Variants in TBC1D32 observed in about 807,000 individuals in gnomAD.
The protein encoded by TBC1D32 is TBC1 domain family member 32.
TBC1D32 carries 151 observed loss-of-function variants against 170.3 expected under a neutral mutation model. The observed-to-expected ratio is 0.89, with a 90% CI of 0.78 to 1.01. TBC1D32 has a LOEUF of 1.01. Among genes scored for constraint, TBC1D32 ranks in the 50% least tolerant of loss-of-function variants. The pLI is 0.00. For missense variants in TBC1D32, 1,464 were observed against 1,457.1 expected (o/e 1.00, Z -0.08); for synonymous variants, 498 against 488.0 (o/e 1.02, Z -0.27).
At chr6:121,124,006 G>GA (rs1780564337) in intron 26 of TBC1D32, among the ~76,000 whole-genome samples, 1 of 151,498 alleles carries the variant, frequency 6.6e-6, no homozygotes, top group Admixed American at 6.6e-5. Context: ...CCACCATTTT[G>GA]AATTTTTGAC....
chr6:121,329,898 TCTC>T (rs1810985817), intron 1 of TBC1D32, among the ~76,000 whole-genome samples: 1 of 152,050 alleles, frequency 6.6e-6, no homozygotes, highest in South Asian at 2.1e-4. Flanking sequence ...GTATTTTACA[TCTC>T]CTACAACTTT....
At chr6:121,179,563 T>A (rs760504951) in intron 22 of TBC1D32, among the ~76,000 whole-genome samples, 6 of 151,980 alleles carry the variant, frequency 3.9e-5, no homozygotes, top group Non-Finnish European at 8.8e-5. Context: ...AGCTACAATG[T>A]ATGACTGAAA....
chr6:121,281,000 C>T (rs17083356), intron 14 of TBC1D32, among the ~76,000 whole-genome samples: 4,986 of 151,794 alleles, frequency 0.033, 193 homozygotes, highest in East Asian at 0.12. Flanking sequence ...AAATGTCTGA[C>T]CTAAAGCAAG....
intron 27 of TBC1D32, among the ~76,000 whole-genome samples, chr6:121,114,352 AATAAG>A (rs1272892420): frequency 1.3e-5 from 2 of 152,332 alleles, no homozygotes; most frequent in Admixed American, 6.5e-5. Flanking sequence ...ATTTCTTACA[AATAAG>A]ATATTATATT....
At chr6:121,227,095 G>A (rs1232778585) in intron 20 of TBC1D32, among the ~76,000 whole-genome samples, 2 of 152,170 alleles carry the variant, frequency 1.3e-5, no homozygotes, top group Non-Finnish European at 2.9e-5. Context: ...AATGTTTTAA[G>A]AAAGGCTATG....
At chr6:121,127,526 G>A (rs182277998) in intron 25 of TBC1D32, among the ~76,000 whole-genome samples, 7 of 152,202 alleles carry the variant, frequency 4.6e-5, no homozygotes, top group African/African-American at 1.7e-4. Flanking sequence ...TAGTTGCTTA[G>A]ACTGGTTCTA....
chr6:121,118,140 A>G (rs184997835), intron 26 of TBC1D32, among the ~76,000 whole-genome samples: 38 of 152,316 alleles, frequency 2.5e-4, no homozygotes, highest in African/African-American at 9.1e-4. Context: ...AATAGCAACA[A>G]AAGAAATTAT....
chr6:121,228,526 T>C (rs1023761458), intron 20 of TBC1D32, among the ~76,000 whole-genome samples: 4 of 152,176 alleles, frequency 2.6e-5, no homozygotes, highest in African/African-American at 9.6e-5. Flanking sequence ...ACAAGTTATT[T>C]GTAAGTATGT....
chr6:121,081,409 C>A (rs1032562469), intron 31 of TBC1D32, among the ~76,000 whole-genome samples: 1 of 152,058 alleles, frequency 6.6e-6, no homozygotes, highest in Non-Finnish European at 1.5e-5. Context: ...AGTAAGAACA[C>A]CCGTTTAACA....
chr6:121,283,358 A>G (rs563675543), intron 13 of TBC1D32, among the ~76,000 whole-genome samples: 11 of 152,028 alleles, frequency 7.2e-5, no homozygotes, highest in African/African-American at 2.6e-4. Flanking sequence ...CATTTTTCTG[A>G]AAAACATGAA....
intron 24 of TBC1D32, among the ~76,000 whole-genome samples, chr6:121,143,620 T>C (rs1299916988): frequency 2.0e-5 from 3 of 152,160 alleles, no homozygotes; most frequent in African/African-American, 7.2e-5. Context: ...ACTAACACCT[T>C]ACAAAATCTG....
Position 121,175,222 on chromosome 6 carries a change from C to T in TBC1D32, c.2571-14166G>A, listed in dbSNP as rs148028112. On this transcript the variant is annotated intron_variant, in intron 22 of 31. Coordinates refer to ENST00000398212, the MANE Select transcript of TBC1D32 (RefSeq NM_152730.6). ...TTTCTTTCTTTAGGCTACTAAACCA[C>T]TGAATAGATAATGAAAATGACTGTC... is the stretch of plus-strand genomic sequence containing the variant. Among the ~76,000 whole-genome samples the T allele has an allele frequency of 9.9e-4, 150 of 152,162 alleles. 1 individual carries two copies. The highest frequency in any genetic ancestry group is 3.3e-3 in the African/African-American group (136 of 41,502).
intron 17 of TBC1D32, among the ~76,000 whole-genome samples, chr6:121,250,723 G>C (rs1489364714): frequency 1.3e-5 from 2 of 152,086 alleles, no homozygotes; most frequent in African/African-American, 4.8e-5. Flanking sequence ...CATAGTATTG[G>C]AAGTTCTGGC....
chr6:121,298,087 C>G (rs1375082395), intron 10 of TBC1D32, among the ~76,000 whole-genome samples: 1 of 152,034 alleles, frequency 6.6e-6, no homozygotes, highest in Non-Finnish European at 1.5e-5. Context: ...ATAAACAGAT[C>G]TTGCATCATT....
intron 21 of TBC1D32, among the ~76,000 whole-genome samples, chr6:121,208,909 C>T (rs775012705): frequency 1.5e-4 from 23 of 151,758 alleles, no homozygotes; most frequent in Non-Finnish European, 3.2e-4. Flanking sequence ...TTACGACAGA[C>T]CTAGGAAATT....
intron 9 of TBC1D32, among the ~76,000 whole-genome samples, chr6:121,302,837 T>C (rs1806693843): frequency 6.6e-6 from 1 of 152,120 alleles, no homozygotes; most frequent in African/African-American, 2.4e-5. Context: ...AGAGACAGAA[T>C]TGTGTTCTGG....
chr6:121,133,689 A>G (rs59444627), intron 24 of TBC1D32, among the ~76,000 whole-genome samples: 2 of 152,096 alleles, frequency 1.3e-5, no homozygotes, highest in African/African-American at 4.8e-5. Context: ...ATACAAACAC[A>G]TGAATACACA....
chr6:121,287,128 A>G (rs1245112039), intron 12 of TBC1D32, among the ~76,000 whole-genome samples: 1 of 152,190 alleles, frequency 6.6e-6, no homozygotes, highest in Non-Finnish European at 1.5e-5. Context: ...CATCATAATG[A>G]CAGGATCAAA....
At chr6:121,125,123 T>C (rs1414207986) in intron 26 of TBC1D32, among the ~76,000 whole-genome samples, 1 of 151,420 alleles carries the variant, frequency 6.6e-6, no homozygotes, top group Admixed American at 6.6e-5. Flanking sequence ...CAGAATTATG[T>C]ATTTATTTTA....
Sources: gnomAD v4.1 joint callset for allele counts (sites outside exome capture counted in the v4.1 genomes callset) on GRCh38, gnomAD v4.1.1 for gene constraint, MANE v1.5 for transcripts, NCBI Gene and HGNC (gene_info 2026-07-23, HGNC 2026-07-21) for gene names.